The following MAPK8 variants were observed in gnomAD, a reference collection of about 807,000 sequenced individuals.
MAPK8 encodes JUN N-terminal kinase.
Under a neutral mutation model 52.9 loss-of-function variants are expected in MAPK8, and 13 were observed. The observed-to-expected ratio is 0.25, with a 90% CI of 0.16 to 0.39. The LOEUF (loss-of-function observed/expected upper bound fraction) is 0.39. Among genes scored for constraint, MAPK8 ranks in the 10% least tolerant of loss-of-function variants. The probability of loss-of-function intolerance (pLI) is 1.00; values close to 1 mark genes in which losing one functional copy is unlikely to be tolerated. For synonymous variants in MAPK8, 191 were observed against 169.8 expected, an observed-to-expected ratio of 1.12 and a Z score of -0.97; for missense variants, 300 against 519.2, an observed-to-expected ratio of 0.58 and a Z score of 4.10.
At chr10:48,402,565 T>C (rs2042215100) in intron 2 of MAPK8, among the ~76,000 whole-genome samples, 1 of 152,246 alleles carries the variant, frequency 6.6e-6, no homozygotes, top group South Asian at 2.1e-4. Context: ...GGGATAGTTC[T>C]GATACTGATT....
chr10:48,410,223 A>T, intron 5 of MAPK8, 55 bp downstream of exon 5: 1 of 1,413,138 alleles, frequency 7.1e-7, no homozygotes, highest in Non-Finnish European at 9.3e-7. Context: ...GGTGAAATTC[A>T]TGTAACAAAA....
At chr10:48,313,605 T>C (rs1232038396) in intron 1 of MAPK8, among the ~76,000 whole-genome samples, 3 of 152,274 alleles carry the variant, frequency 2.0e-5, no homozygotes, top group African/African-American at 7.2e-5. Flanking sequence ...AACGTATTTT[T>C]CACAGCTTTA....
intron 1 of MAPK8, among the ~76,000 whole-genome samples, chr10:48,321,095 T>TG (rs1842954532): frequency 6.7e-6 from 1 of 148,790 alleles, no homozygotes; most frequent in African/African-American, 2.5e-5. Flanking sequence ...AAGAGTTTTT[T>TG]TTTTTTTTTT....
chr10:48,427,500 A>G (rs1388723971), intron 10 of MAPK8: 1 of 160,696 alleles, frequency 6.2e-6, no homozygotes, highest in South Asian at 1.8e-4. Flanking sequence ...TATTTATTAT[A>G]TATTTTTTTG....
At chr10:48,348,372 G>C (rs751629558) in intron 1 of MAPK8, among the ~76,000 whole-genome samples, 6 of 152,130 alleles carry the variant, frequency 3.9e-5, no homozygotes, top group Non-Finnish European at 7.3e-5. Flanking sequence ...CTTTTGCTTT[G>C]CAGAAGCTCT....
intron 1 of MAPK8, among the ~76,000 whole-genome samples, chr10:48,340,585 A>G (rs777266566): frequency 8.5e-5 from 13 of 152,198 alleles, no homozygotes; most frequent in African/African-American, 2.9e-4. Context: ...AATTTTCACT[A>G]TAAAACAAAG....
chr10:48,378,587 A>G (rs1207986804), intron 1 of MAPK8, among the ~76,000 whole-genome samples: 1 of 152,164 alleles, frequency 6.6e-6, no homozygotes, highest in Non-Finnish European at 1.5e-5. Flanking sequence ...TAGCCAGGAA[A>G]TAATTCAGGA....
chr10:48,418,650 T>C (rs761124371), intron 5 of MAPK8, among the ~76,000 whole-genome samples: 3 of 152,192 alleles, frequency 2.0e-5, no homozygotes, highest in Non-Finnish European at 4.4e-5. Context: ...GAAGACAGAA[T>C]GTTGGGTTAG....
chr10:48,393,245 G>T (rs1349343182), intron 1 of MAPK8, among the ~76,000 whole-genome samples: 1 of 151,452 alleles, frequency 6.6e-6, no homozygotes, highest in East Asian at 1.9e-4. Context: ...TCTATATCTA[G>T]ATACCAAATT....
chr10:48,427,175 G>A (rs778336855), intron 10 of MAPK8, 32 bp downstream of exon 10: 45 of 1,540,084 alleles, frequency 2.9e-5, no homozygotes, highest in Non-Finnish European at 3.9e-5. Context: ...AGGGAAAACT[G>A]TGAAGGAGCT....
At chr10:48,427,192 T>G in intron 10 of MAPK8, 49 bp downstream of exon 10, 1 of 1,358,352 alleles carries the variant, frequency 7.4e-7, no homozygotes, top group Non-Finnish European at 1.0e-6. Flanking sequence ...AGCTTCTGGT[T>G]TTTATATGGT....
intron 1 of MAPK8, among the ~76,000 whole-genome samples, chr10:48,377,360 TA>T (rs60365634): frequency 3.6e-4 from 54 of 150,620 alleles, no homozygotes; most frequent in African/African-American, 1.2e-3. Flanking sequence ...AAGTATAATT[TA>T]AAAAAAAAAT....
chr10:48,321,221 A>G lies in MAPK8; in HGVS notation c.-50+14400A>G, dbSNP rs532796365. Among the ~76,000 whole-genome samples, 3 of 150,250 alleles carry G rather than the reference A, an allele frequency of 2.0e-5. No individual in the cohort carries two copies. In the East Asian group the frequency reaches 5.9e-4, roughly 30 times the overall value. ...CAAATGATCCTCCCTCCCCAGCCTCACAAGTAGCTAGGACCACAGGTGTGC... is the reference window on the plus strand; with the variant it reads ...CAAATGATCCTCCCTCCCCAGCCTCGCAAGTAGCTAGGACCACAGGTGTGC... On this transcript the variant is annotated intron_variant, in intron 1 of 11. Transcript: ENST00000374189.
intron 1 of MAPK8, among the ~76,000 whole-genome samples, chr10:48,332,791 A>G (rs552278635): frequency 6.6e-6 from 1 of 152,294 alleles, no homozygotes; most frequent in Admixed American, 6.5e-5. Context: ...TTCTCCTGCT[A>G]TTTATTAGGC....
At chr10:48,351,894 C>T (rs1184698144) in intron 1 of MAPK8, among the ~76,000 whole-genome samples, 1 of 152,122 alleles carries the variant, frequency 6.6e-6, no homozygotes, top group Non-Finnish European at 1.5e-5. Context: ...TGAGCATTTG[C>T]TTTGAGTGTC....
intron 2 of MAPK8, among the ~76,000 whole-genome samples, chr10:48,402,148 T>A (rs907025226): frequency 3.9e-5 from 6 of 152,212 alleles, no homozygotes; most frequent in Admixed American, 6.5e-5. Flanking sequence ...GATTTCATAT[T>A]TTCAGATTTG....
rs940394671 is a variant in MAPK8, at chr10:48,435,147, A to G, written c.*118A>G. ...TGATTTTTCAAAAAATGTAGAATTC[A>G]TTTTGTAGTAAAGTAGTTTATTTTT... On this transcript the variant is annotated 3_prime_UTR_variant, in exon 12 of 12. Coordinates refer to ENST00000374189, the MANE Select transcript of MAPK8 (RefSeq NM_001323329.2). 10 of 772,802 alleles carry G rather than the reference A, an allele frequency of 1.3e-5. No individual in the cohort carries two copies. The highest frequency in any genetic ancestry group is 1.2e-4 in the African/African-American group (7 of 56,924). The allele number at this position is 772,802 out of a possible 1,614,324, so 47.9% of individuals were successfully genotyped here.
At chr10:48,326,446 T>C (rs900523512) in intron 1 of MAPK8, among the ~76,000 whole-genome samples, 3 of 152,190 alleles carry the variant, frequency 2.0e-5, no homozygotes, top group African/African-American at 7.2e-5. Flanking sequence ...TCATCTTGTA[T>C]GTTTTCTACC....
intron 7 of MAPK8, 31 bp from the exon 8 acceptor site, chr10:48,425,857 T>A: frequency 4.5e-6 from 3 of 659,398 alleles, no homozygotes; most frequent in Non-Finnish European, 7.1e-6. Context: ...ACATTAGTTA[T>A]GGAGTATTTT....
Sources: allele counts gnomAD v4.1 joint callset (sites outside exome capture counted in the v4.1 genomes callset), GRCh38; gene constraint gnomAD v4.1.1; transcripts MANE v1.5; gene names NCBI Gene and HGNC (gene_info 2026-07-23, HGNC 2026-07-21).